Variants in NFIB observed in about 807,000 individuals in gnomAD.
NFIB encodes the protein nuclear factor 1 B-type.
In NFIB, 11 loss-of-function variants were observed where a neutral mutation model predicts 61.5. The observed-to-expected ratio is 0.18, with a 90% CI of 0.11 to 0.30. The LOEUF is 0.30. NFIB is among the 10% of genes least tolerant of loss of function. The pLI, the probability that NFIB is intolerant of heterozygous loss-of-function variation, is 1.00. For missense variants in NFIB, 471 were observed against 608.9 expected (o/e 0.77, Z 2.38); for synonymous variants, 260 against 216.5 (o/e 1.20, Z -1.76).
intron 10 of NFIB, among the ~76,000 whole-genome samples, chr9:14,107,529 T>C (rs1444082054): frequency 6.6e-6 from 1 of 152,116 alleles, no homozygotes; most frequent in East Asian, 1.9e-4. Flanking sequence ...AAAGATTTTG[T>C]TTTTAAATTA....
At chr9:14,258,099 C>T (rs1276757880) in intron 2 of NFIB, among the ~76,000 whole-genome samples, 1 of 152,020 alleles carries the variant, frequency 6.6e-6, no homozygotes, top group Non-Finnish European at 1.5e-5. Flanking sequence ...ATAAAAGAAC[C>T]TTTTGATGAC....
chr9:14,333,479 G>A (rs1287610629), intron 1 of NFIB, among the ~76,000 whole-genome samples: 1 of 151,996 alleles, frequency 6.6e-6, no homozygotes, highest in African/African-American at 2.4e-5. Flanking sequence ...TTCCCTTAGG[G>A]CTCATTCTAG....
chr9:14,245,252 TCA>T (rs962601667), intron 2 of NFIB, among the ~76,000 whole-genome samples: 2 of 152,146 alleles, frequency 1.3e-5, no homozygotes, highest in South Asian at 2.1e-4. Context: ...ATTAGAAACA[TCA>T]CAGTCACACC....
chr9:14,336,458 T>G (rs2060886927), intron 1 of NFIB, among the ~76,000 whole-genome samples: 1 of 152,168 alleles, frequency 6.6e-6, no homozygotes, highest in Non-Finnish European at 1.5e-5. Context: ...GAAACCCAGG[T>G]GGAAGGTGGG....
At chr9:14,335,426 C>T (rs181491380) in intron 1 of NFIB, among the ~76,000 whole-genome samples, 1 of 152,146 alleles carries the variant, frequency 6.6e-6, no homozygotes, top group Non-Finnish European at 1.5e-5. Context: ...TAGTATTTGT[C>T]TCCTTAATAA....
At chr9:14,425,184 G>A in the NFIB span, among the ~76,000 whole-genome samples, 1 of 152,204 alleles carries the variant, frequency 6.6e-6, no homozygotes, top group Admixed American at 6.5e-5. Context: ...GTCAAGGGCA[G>A]ATAAATTGTC....
intron 3 of NFIB, among the ~76,000 whole-genome samples, chr9:14,162,533 G>A (rs2044319340): frequency 6.6e-6 from 1 of 151,890 alleles, no homozygotes; most frequent in Non-Finnish European, 1.5e-5. Flanking sequence ...AAGCTTTTAT[G>A]GAAATTTTTG....
At chr9:14,343,774 T>C (rs1414414711) in intron 1 of NFIB, among the ~76,000 whole-genome samples, 3 of 126,762 alleles carry the variant, frequency 2.4e-5, no homozygotes, top group Admixed American at 2.1e-4. Flanking sequence ...CAGGCATGCA[T>C]GAGAGTCCCA....
chr9:14,088,154 TA>T lies in NFIB; in HGVS notation c.*154del, dbSNP rs560250549. 1,295 of 1,330,144 alleles carry T rather than the reference TA, an allele frequency of 9.7e-4. No individual in the cohort carries two copies. The highest frequency in any genetic ancestry group is 2.7e-3 in the Admixed American group (95 of 35,558). The allele number at this position is 1,330,144 out of a possible 1,614,324, so 82.4% of individuals were successfully genotyped here. A position where few individuals can be genotyped will look rare whatever the true frequency, so the allele number is the denominator to read the frequency against. On this transcript the variant is annotated 3_prime_UTR_variant, in exon 11 of 11. Transcript: ENST00000380953. Reference sequence around the variant, plus strand: ...CTTCCTCTTTTCCTTTTTTTTTATTTAAAAAAAAAATTTCTTAAACTATTGT... The same window carrying T: ...CTTCCTCTTTTCCTTTTTTTTTATTTAAAAAAAAATTTCTTAAACTATTGT...
At chr9:14,285,304 G>A (rs573764690) in intron 2 of NFIB, among the ~76,000 whole-genome samples, 1 of 152,236 alleles carries the variant, frequency 6.6e-6, no homozygotes, top group South Asian at 2.1e-4. Flanking sequence ...TGTATTTTTA[G>A]TAGAGACAGG....
the NFIB span, among the ~76,000 whole-genome samples, chr9:14,510,859 T>G: frequency 1.3e-5 from 2 of 152,186 alleles, no homozygotes; most frequent in African/African-American, 4.8e-5. Flanking sequence ...TGCAATACCT[T>G]TTTGAAAAGA....
At chr9:14,368,339 G>C (rs2061324945) in intron 1 of NFIB, among the ~76,000 whole-genome samples, 1 of 152,170 alleles carries the variant, frequency 6.6e-6, no homozygotes, top group African/African-American at 2.4e-5. Context: ...ACTTTAAGTA[G>C]TTTGTATTTC....
the NFIB span, among the ~76,000 whole-genome samples, chr9:14,469,914 A>G: frequency 3.3e-5 from 5 of 152,154 alleles, no homozygotes; most frequent in Non-Finnish European, 4.4e-5. Context: ...TTCAAGTCCA[A>G]TTTTCCCCAA....
intron 2 of NFIB, among the ~76,000 whole-genome samples, chr9:14,226,011 C>A (rs2052366409): frequency 6.6e-6 from 1 of 151,966 alleles, no homozygotes; most frequent in Admixed American, 6.6e-5. Context: ...TTATTATAGT[C>A]TTTAATTCCC....
the NFIB span, among the ~76,000 whole-genome samples, chr9:14,526,925 T>A: frequency 6.6e-6 from 1 of 152,168 alleles, no homozygotes; most frequent in African/African-American, 2.4e-5. Flanking sequence ...ACTCTCTGAT[T>A]AAATTAATAA....
At chr9:14,494,805 A>G in the NFIB span, among the ~76,000 whole-genome samples, 1 of 152,102 alleles carries the variant, frequency 6.6e-6, no homozygotes, top group African/African-American at 2.4e-5. Flanking sequence ...AGTCCTTCAG[A>G]CTGGCCACTC....
rs182317502 is a variant in NFIB, at chr9:14,261,254, G to T, written c.562+45735C>A. 5.0e-3 allele frequency among the ~76,000 whole-genome samples: 756 copies of T among 151,992 alleles called. 6 individuals are homozygous for T. Among genetic ancestry groups the T allele is most frequent in the African/African-American group, 0.018 (730 of 41,466 alleles). Reference sequence around the variant, plus strand: ...ATCACTTGAATCTGGGAGAGGGAGGGTGCAGTGAGCCGAGATCATACCATT... The same window carrying T: ...ATCACTTGAATCTGGGAGAGGGAGGTTGCAGTGAGCCGAGATCATACCATT... On this transcript the variant is annotated intron_variant, in intron 2 of 10. Transcript: ENST00000380953.
chr9:14,344,193 G>GAC lies in NFIB; in HGVS notation c.109-36675_109-36674dup, dbSNP rs928476052. On this transcript the variant is annotated intron_variant, in intron 1 of 8. Coordinates refer to the NFIB transcript ENST00000380934. ...AGTGAAAGCAAAAACAACAGAGACAGACACACACATACATAGCCAGACCCC... is the reference window on the plus strand; with the variant it reads ...AGTGAAAGCAAAAACAACAGAGACAGACACACACACATACATAGCCAGACCCC... 7.2e-5 allele frequency among the ~76,000 whole-genome samples: 11 copies of GAC among 151,852 alleles called. No individual in the cohort carries two copies. In the South Asian group the frequency reaches 1.9e-3, roughly 26 times the overall value.
At chr9:14,264,406 T>C (rs1037702491) in intron 2 of NFIB, among the ~76,000 whole-genome samples, 3 of 152,174 alleles carry the variant, frequency 2.0e-5, no homozygotes, top group Non-Finnish European at 4.4e-5. Context: ...ATAAATAATG[T>C]TCTAGGAATA....
Sources: allele counts gnomAD v4.1 joint callset (sites outside exome capture counted in the v4.1 genomes callset), GRCh38; gene constraint gnomAD v4.1.1; transcripts MANE v1.5; gene names NCBI Gene and HGNC (gene_info 2026-07-23, HGNC 2026-07-21).